ULK4: variants seen among roughly 807,000 people sequenced by gnomAD.
ULK4 encodes the protein unc-51 like kinase 4, also known as inactive serine/threonine-protein kinase ULK4.
ULK4 carries 133 observed loss-of-function variants against 160.6 expected under a neutral mutation model. That is an observed-to-expected ratio of 0.83 (90% CI 0.72 to 0.96). The LOEUF (loss-of-function observed/expected upper bound fraction) is 0.96. Ranked by LOEUF, ULK4 falls within the 40% of genes least tolerant of loss-of-function variation. ULK4 has a pLI of 0.00. For missense variants in ULK4, 1,580 were observed against 1,499.5 expected, an observed-to-expected ratio of 1.05 and a Z score of -0.89; for synonymous variants, 534 against 539.8, an observed-to-expected ratio of 0.99 and a Z score of 0.15.
At chr3:41,273,662 G>A (rs563821532) in intron 35 of ULK4, among the ~76,000 whole-genome samples, 1 of 152,240 alleles carries the variant, frequency 6.6e-6, no homozygotes, top group African/African-American at 2.4e-5. Flanking sequence ...ACCTCATGTT[G>A]AAATTTGATT....
chr3:41,390,572 G>T (rs1304590269), intron 35 of ULK4, among the ~76,000 whole-genome samples: 1 of 151,940 alleles, frequency 6.6e-6, no homozygotes, highest in African/African-American at 2.4e-5. Context: ...TTGTGTCTTT[G>T]TTCTCGTTGG....
At chr3:41,836,514 G>T (rs1663993698) in intron 17 of ULK4, among the ~76,000 whole-genome samples, 1 of 152,024 alleles carries the variant, frequency 6.6e-6, no homozygotes, top group African/African-American at 2.4e-5. Flanking sequence ...CACTAATCCT[G>T]AGAGGCAATT....
intron 21 of ULK4, among the ~76,000 whole-genome samples, chr3:41,774,965 T>G (rs1473907789): frequency 6.7e-6 from 1 of 149,130 alleles, no homozygotes; most frequent in East Asian, 2.0e-4. Flanking sequence ...AGTAAACTAT[T>G]GCAAGGACAA....
At chr3:41,519,186 G>A (rs142393755) in intron 32 of ULK4, among the ~76,000 whole-genome samples, 3 of 152,278 alleles carry the variant, frequency 2.0e-5, no homozygotes, top group African/African-American at 4.8e-5. Context: ...TCTTTCTTAC[G>A]TTGAACACAA....
At chr3:41,727,709 G>T (rs2037698802) in intron 22 of ULK4, among the ~76,000 whole-genome samples, 1 of 152,118 alleles carries the variant, frequency 6.6e-6, no homozygotes, top group Non-Finnish European at 1.5e-5. Context: ...CTCTCAAGGA[G>T]AAAGAGTGGC....
chr3:41,459,607 T>C (rs117652113), intron 33 of ULK4, among the ~76,000 whole-genome samples: 1,600 of 152,302 alleles, frequency 0.011, 70 homozygotes, highest in Admixed American at 0.079. Context: ...ACTGCTATAA[T>C]AGAGGTAGAA....
chr3:41,747,717 G>A (rs1335379822), intron 22 of ULK4, among the ~76,000 whole-genome samples: 5 of 152,068 alleles, frequency 3.3e-5, no homozygotes, highest in Non-Finnish European at 7.4e-5. Flanking sequence ...TGTCCTTAAA[G>A]AGGAAAAGAC....
At chr3:41,810,547 G>A (rs2040790666) in intron 19 of ULK4, among the ~76,000 whole-genome samples, 1 of 152,172 alleles carries the variant, frequency 6.6e-6, no homozygotes, top group Admixed American at 6.5e-5. Context: ...AGAAGTGGTG[G>A]CTCACACCTG....
chr3:41,722,219 A>G (rs17060961), intron 22 of ULK4, among the ~76,000 whole-genome samples: 47,547 of 152,038 alleles, frequency 0.31, 10,845 homozygotes, highest in African/African-American at 0.65. Flanking sequence ...TTAAGAGAAA[A>G]TCCCTAGAGA....
Position 41,437,914 on chromosome 3 carries a change from A to C in ULK4, c.3492+17583T>G, listed in dbSNP as rs575079218. 3.3e-5 allele frequency among the ~76,000 whole-genome samples: 5 copies of C among 152,242 alleles called. No individual in the cohort carries two copies. In the South Asian group the frequency reaches 1.0e-3, roughly 32 times the overall value. On this transcript the variant is annotated intron_variant, in intron 34 of 36. Coordinates refer to ENST00000301831, the MANE Select transcript of ULK4 (RefSeq NM_017886.4). ...CCTGAAAATTAGAACCTGGAGGAAG[A>C]GAAGGCCAGTGAGAAGGGTAACAGA...
At chr3:41,941,755 CAAAA>C (rs565727539) in intron 2 of ULK4, among the ~76,000 whole-genome samples, 298 of 30,744 alleles carry the variant, frequency 9.7e-3, no homozygotes, top group Non-Finnish European at 0.015. Flanking sequence ...GACTCTGTCT[CAAAA>C]AAAAAAAAAA....
rs139390216 is a variant in ULK4, at chr3:41,645,494, G to T, written c.3071+18113C>A. Among the ~76,000 whole-genome samples the T allele has an allele frequency of 1.2e-3, 178 of 152,282 alleles. 1 individual carries two copies. Among genetic ancestry groups the T allele is most frequent in the Non-Finnish European group, 7.6e-4 (52 of 68,026 alleles). ...GCAGGTTGTTCAGTTCCATGTAGTG[G>T]AGTGGTTTTCAGTGAGTTTCTTAAT... On this transcript the variant is annotated intron_variant, in intron 30 of 36. Transcript: ENST00000301831.
chr3:41,825,897 G>A (rs949374670), intron 18 of ULK4, among the ~76,000 whole-genome samples: 1 of 152,118 alleles, frequency 6.6e-6, no homozygotes, highest in Non-Finnish European at 1.5e-5. Flanking sequence ...AAATGTTAAG[G>A]GCAGCCAGAG....
chr3:41,304,300 T>C (rs2079860445), intron 35 of ULK4, among the ~76,000 whole-genome samples: 2 of 126,554 alleles, frequency 1.6e-5, no homozygotes, highest in South Asian at 5.0e-4. Context: ...AGAGACAACA[T>C]TCGAAGACTG....
chr3:41,528,936 C>G (rs1448809556), intron 32 of ULK4, among the ~76,000 whole-genome samples: 1 of 152,192 alleles, frequency 6.6e-6, no homozygotes, highest in African/African-American at 2.4e-5. Flanking sequence ...TGACACATGT[C>G]TGCCTATGTA....
intron 35 of ULK4, among the ~76,000 whole-genome samples, chr3:41,338,263 G>A (rs2080608570): frequency 6.6e-6 from 1 of 152,150 alleles, no homozygotes; most frequent in Non-Finnish European, 1.5e-5. Flanking sequence ...GCATGAGGAG[G>A]CTGCTGCAGA....
At chr3:41,481,153 G>A (rs1165429859) in intron 32 of ULK4, among the ~76,000 whole-genome samples, 1 of 152,156 alleles carries the variant, frequency 6.6e-6, no homozygotes, top group Non-Finnish European at 1.5e-5. Context: ...AAAGTTACAT[G>A]GAGGCTTTTT....
intron 34 of ULK4, among the ~76,000 whole-genome samples, chr3:41,399,384 T>C (rs577533335): frequency 6.6e-6 from 1 of 152,296 alleles, no homozygotes; most frequent in East Asian, 1.9e-4. Context: ...GAGTTCTTTA[T>C]ATATTTTAAA....
At chr3:41,318,809 T>C (rs2080193501) in intron 35 of ULK4, among the ~76,000 whole-genome samples, 1 of 152,198 alleles carries the variant, frequency 6.6e-6, no homozygotes, top group Non-Finnish European at 1.5e-5. Context: ...GATCCAGTCA[T>C]GGCTTGCAAA....
Sources: gnomAD v4.1 joint callset for allele counts (sites outside exome capture counted in the v4.1 genomes callset) on GRCh38, gnomAD v4.1.1 for gene constraint, MANE v1.5 for transcripts, NCBI Gene and HGNC (gene_info 2026-07-23, HGNC 2026-07-21) for gene names.